Variants in TCF12 observed in about 807,000 individuals in gnomAD.
The protein encoded by TCF12 is DNA-binding protein HTF4.
TCF12 carries 45 observed loss-of-function variants against 86.0 expected under a neutral mutation model. That is an observed-to-expected ratio of 0.52 (90% CI 0.41 to 0.67). The LOEUF (loss-of-function observed/expected upper bound fraction) is 0.67. Ranked by LOEUF, TCF12 falls within the 30% of genes least tolerant of loss-of-function variation. The pLI is 0.00. For synonymous variants in TCF12, 330 were observed against 299.6 expected (o/e 1.10, Z -1.05); for missense variants, 881 against 859.9 (o/e 1.02, Z -0.31).
chr15:57,091,834 C>T lies in TCF12; in HGVS notation c.268C>T (p.Arg90Ter), dbSNP rs747222651. Residue 90 changes from arginine (R) to a stop codon, truncating the protein, a stop_gained, in exon 5 of 21, where the codon CGA (arginine) becomes TGA (stop). Coordinates refer to ENST00000333725, the MANE Select transcript of TCF12 (RefSeq NM_207037.2). LOFTEE classifies it high-confidence loss of function. ...TTACAGTGATCACTTGAATGACAGTCGATTAGGAGCCCATGAAGGCTTGTC... is the reference window on the plus strand; with the variant it reads ...TTACAGTGATCACTTGAATGACAGTTGATTAGGAGCCCATGAAGGCTTGTC... ...PHYSDHLNDS[R>*]LGAHEGLSPT... 1.9e-6 allele frequency: 3 copies of T among 1,613,820 alleles called. No individual in the cohort carries two copies. The highest frequency in any genetic ancestry group is 2.5e-6 in the Non-Finnish European group (3 of 1,179,820).
intron 3 of TCF12, among the ~76,000 whole-genome samples, chr15:56,993,933 A>T (rs148336616): frequency 1.3e-5 from 2 of 152,358 alleles, no homozygotes; most frequent in East Asian, 1.9e-4. Context: ...TACCATCATG[A>T]TAATAACGTT....
intron 8 of TCF12, chr15:57,219,741 G>A (rs1419383978): frequency 3.1e-5 from 18 of 576,244 alleles, no homozygotes; most frequent in East Asian, 9.8e-5. Flanking sequence ...TTTTTTTTGC[G>A]GGGGGACGGA....
At chr15:56,950,261 T>G (rs1443249586) in intron 3 of TCF12, among the ~76,000 whole-genome samples, 1 of 152,218 alleles carries the variant, frequency 6.6e-6, no homozygotes, top group Non-Finnish European at 1.5e-5. Context: ...AGTCTCACTG[T>G]GTCACCCAGG....
chr15:57,143,393 C>T (rs1186220768), intron 5 of TCF12, among the ~76,000 whole-genome samples: 3 of 152,064 alleles, frequency 2.0e-5, no homozygotes, highest in Admixed American at 6.6e-5. Flanking sequence ...GCTGCTTATT[C>T]TCAAAAATAA....
intron 3 of TCF12, among the ~76,000 whole-genome samples, chr15:56,986,875 A>T (rs866632150): frequency 2.0e-5 from 3 of 152,148 alleles, no homozygotes; most frequent in Non-Finnish European, 4.4e-5. Context: ...ACATAGCAGG[A>T]TGTACTTGTT....
chr15:57,247,176 G>A (rs1391208281), intron 13 of TCF12: 399 of 590,100 alleles, frequency 6.8e-4, no homozygotes, highest in Middle Eastern at 9.9e-4. Context: ...CATATCCTTG[G>A]TCCATCACCA....
At chr15:57,277,371 C>T (rs1327872494) in intron 19 of TCF12, among the ~76,000 whole-genome samples, 1 of 151,892 alleles carries the variant, frequency 6.6e-6, no homozygotes, top group Non-Finnish European at 1.5e-5. Context: ...TGGCTCACAC[C>T]TGTAATCCCA....
intron 3 of TCF12, among the ~76,000 whole-genome samples, chr15:56,949,747 A>G (rs1461649397): frequency 6.6e-6 from 1 of 152,204 alleles, no homozygotes; most frequent in Non-Finnish European, 1.5e-5. Context: ...TTGTTTGGGA[A>G]GGCAGTCATG....
chr15:57,165,778 C>T (rs747568947), intron 5 of TCF12, among the ~76,000 whole-genome samples: 3 of 152,056 alleles, frequency 2.0e-5, no homozygotes, highest in East Asian at 3.9e-4. Flanking sequence ...CCTCGTGATC[C>T]GCCCGCCTTC....
At chr15:57,096,516 C>CA (rs2049333583) in intron 5 of TCF12, among the ~76,000 whole-genome samples, 1 of 151,968 alleles carries the variant, frequency 6.6e-6, no homozygotes, top group Non-Finnish European at 1.5e-5. Flanking sequence ...GCTCAAGTCC[C>CA]TTATATATAT....
At chr15:57,014,142 T>C (rs1037298979) in intron 3 of TCF12, among the ~76,000 whole-genome samples, 7 of 152,218 alleles carry the variant, frequency 4.6e-5, no homozygotes, top group South Asian at 2.1e-4. Flanking sequence ...CTTGGGTCTA[T>C]TGATACTACC....
At chr15:57,070,037 T>A (rs1204335830) in intron 4 of TCF12, among the ~76,000 whole-genome samples, 2 of 152,142 alleles carry the variant, frequency 1.3e-5, no homozygotes, top group African/African-American at 4.8e-5. Context: ...TTTCATTGAT[T>A]AAAAGGGGGT....
intron 3 of TCF12, among the ~76,000 whole-genome samples, chr15:57,055,671 A>G (rs1448344400): frequency 6.6e-6 from 1 of 152,070 alleles, no homozygotes; most frequent in Non-Finnish European, 1.5e-5. Context: ...GTTATTTGAA[A>G]TGTTGTTACT....
intron 5 of TCF12, among the ~76,000 whole-genome samples, chr15:57,156,101 T>G (rs1323484697): frequency 6.6e-6 from 1 of 152,246 alleles, no homozygotes; most frequent in African/African-American, 2.4e-5. Flanking sequence ...CACAGCTAAA[T>G]GTCTCAAAAT....
upstream of TCF12, chr15:56,918,599 A>G: frequency 3.9e-6 from 1 of 258,942 alleles, no homozygotes; most frequent in Non-Finnish European, 7.7e-6. Context: ...TCGGGGAGGG[A>G]AGGGTTAACC....
chr15:57,251,270 G>C (rs1486581556), intron 13 of TCF12, 80 bp from the exon 14 acceptor site: 2 of 1,180,174 alleles, frequency 1.7e-6, no homozygotes, highest in Non-Finnish European at 2.5e-6. Flanking sequence ...TAGTTATTGA[G>C]TATCTTTACC....
intron 10 of TCF12, 126 bp downstream of exon 10, chr15:57,232,556 G>A (rs992748455): frequency 2.8e-5 from 41 of 1,464,344 alleles, no homozygotes; most frequent in African/African-American, 2.7e-4. Context: ...AAGGCTTACC[G>A]CGTTTACCAT....
intron 3 of TCF12, among the ~76,000 whole-genome samples, chr15:57,013,520 C>T (rs1239140195): frequency 1.3e-5 from 2 of 152,104 alleles, no homozygotes; most frequent in Non-Finnish European, 2.9e-5. Flanking sequence ...GGGGTTTCAC[C>T]ATGTTGGCCA....
intron 5 of TCF12, among the ~76,000 whole-genome samples, chr15:57,164,191 G>A (rs993499577): frequency 9.9e-5 from 15 of 152,066 alleles, no homozygotes; most frequent in African/African-American, 3.1e-4. Flanking sequence ...AATTGTTAAC[G>A]CTGTGAGACT....
Sources: allele counts gnomAD v4.1 joint callset (sites outside exome capture counted in the v4.1 genomes callset), GRCh38; gene constraint gnomAD v4.1.1; transcripts MANE v1.5; gene names NCBI Gene and HGNC (gene_info 2026-07-23, HGNC 2026-07-21).